Variants in RELN observed in about 807,000 individuals in gnomAD.
RELN encodes reelin.
Under a neutral mutation model 427.6 loss-of-function variants are expected in RELN, and 108 were observed. The ratio of observed to expected loss-of-function variants is 0.25; its 90% CI spans 0.22 to 0.30. The LOEUF (loss-of-function observed/expected upper bound fraction) is 0.30, where lower values mean the gene tolerates loss of function less well. RELN is among the 10% of genes least tolerant of loss of function. The pLI, the probability that RELN is intolerant of heterozygous loss-of-function variation, is 1.00. For synonymous variants in RELN, 1,524 were observed against 1,513.4 expected, an observed-to-expected ratio of 1.01 and a Z score of -0.16; for missense variants, 3,715 against 4,302.8, an observed-to-expected ratio of 0.86 and a Z score of 3.82.
rs141343038 is a variant in RELN at position 103,651,989 on chromosome 7, G to A, written c.1764-200C>T. On this transcript the variant is annotated intron_variant, in intron 14 of 64. Coordinates refer to ENST00000428762, the MANE Select transcript of RELN (RefSeq NM_005045.4). ...TCAAAGGGCAATCAGTTAAATTACTGCTATAAACAAACTATGTTTCAAAGA... is the reference window on the plus strand; with the variant it reads ...TCAAAGGGCAATCAGTTAAATTACTACTATAAACAAACTATGTTTCAAAGA... Among the ~76,000 whole-genome samples the A allele has an allele frequency of 3.3e-5, 5 of 152,146 alleles. No individual in the cohort carries two copies. The East Asian group carries it at 9.7e-4, about 29-fold the overall frequency.
chr7:103,688,641 A>G (rs1032304680), intron 10 of RELN, among the ~76,000 whole-genome samples: 8 of 151,988 alleles, frequency 5.3e-5, no homozygotes, highest in African/African-American at 1.9e-4. Flanking sequence ...ATAATTTGAT[A>G]TATTTTTTCT....
intron 20 of RELN, among the ~76,000 whole-genome samples, chr7:103,622,418 C>T (rs1468294593): frequency 6.6e-6 from 1 of 152,200 alleles, no homozygotes; most frequent in Non-Finnish European, 1.5e-5. Context: ...GCTCCTTCTA[C>T]TGCTCCTTCT....
rs577777572 is a variant in RELN at position 103,756,884 on chromosome 7, C to T, written c.545-3670G>A. Among the ~76,000 whole-genome samples, 101 of 152,240 alleles carry T rather than the reference C, an allele frequency of 6.6e-4. 1 individual carries two copies. The highest frequency in any genetic ancestry group is 2.1e-3 in the African/African-American group (89 of 41,542). ...TACAAATTTTCCTGAAAAAGATTCA[C>T]GCATATGTGGCATAAAAATGGGCCA... On this transcript the variant is annotated intron_variant, in intron 4 of 64. Coordinates refer to ENST00000428762, the MANE Select transcript of RELN (RefSeq NM_005045.4).
intron 1 of RELN, among the ~76,000 whole-genome samples, chr7:103,946,782 G>A (rs1796228157): frequency 6.6e-6 from 1 of 152,130 alleles, no homozygotes; most frequent in African/African-American, 2.4e-5. Context: ...TGAAATTCTT[G>A]ACACATTTGT....
chr7:103,514,130 G>T (rs1038252073), intron 50 of RELN: 3 of 152,096 alleles, frequency 2.0e-5, no homozygotes, highest in Non-Finnish European at 4.4e-5. Context: ...TGAGCTGGGT[G>T]TGACAGAGTT....
chr7:103,554,291 A>C (rs1187503057), intron 38 of RELN, among the ~76,000 whole-genome samples: 2 of 152,094 alleles, frequency 1.3e-5, no homozygotes, highest in Non-Finnish European at 2.9e-5. Flanking sequence ...CAGTGATTAA[A>C]ACTGGCCAGG....
chr7:103,809,307 G>A (rs910725880), intron 3 of RELN, among the ~76,000 whole-genome samples: 1 of 152,056 alleles, frequency 6.6e-6, no homozygotes, highest in Non-Finnish European at 1.5e-5. Context: ...TCCAAATAAC[G>A]ACAGTGGTAA....
chr7:103,785,318 C>A (rs978833511), intron 3 of RELN, among the ~76,000 whole-genome samples: 3 of 152,006 alleles, frequency 2.0e-5, no homozygotes, highest in Admixed American at 6.6e-5. Flanking sequence ...TTAGGCAAGG[C>A]AAGAACAAAA....
intron 3 of RELN, 145 bp from the exon 4 acceptor site, chr7:103,776,772 A>G (rs1412599699): frequency 2.4e-6 from 2 of 848,082 alleles, no homozygotes; most frequent in African/African-American, 1.7e-5. Flanking sequence ...AGTGATATAA[A>G]TAACATGGAA....
chr7:103,593,663 G>A lies in RELN; in HGVS notation c.3912+19C>T. On this transcript the variant is annotated intron_variant, in intron 27 of 64. Transcript: ENST00000428762. The stretch of plus-strand genomic sequence containing the variant: ...TTTACTCCTTAACTTGCTCTGGGAA[G>A]AAGCTTGTGCATAAATACCTTGAAC... 1 of 1,602,686 alleles carries A rather than the reference G, an allele frequency of 6.2e-7. No homozygotes were observed. The highest frequency in any genetic ancestry group is 8.5e-7 in the Non-Finnish European group (1 of 1,169,740).
At chr7:103,549,953 C>G (rs1312862626) in intron 41 of RELN, among the ~76,000 whole-genome samples, 2 of 152,216 alleles carry the variant, frequency 1.3e-5, no homozygotes, top group Non-Finnish European at 2.9e-5. Context: ...TCAGCTCCAT[C>G]TATTCCTATG....
intron 53 of RELN, among the ~76,000 whole-genome samples, chr7:103,498,612 C>T (rs1261384787): frequency 6.6e-6 from 1 of 152,022 alleles, no homozygotes; most frequent in Non-Finnish European, 1.5e-5. Flanking sequence ...ATGCCTCTGC[C>T]TCCTGAGTAG....
intron 1 of RELN, among the ~76,000 whole-genome samples, chr7:103,936,079 T>C (rs1795976047): frequency 6.7e-6 from 1 of 149,258 alleles, no homozygotes; most frequent in Non-Finnish European, 1.5e-5. Flanking sequence ...CTATTCATCT[T>C]GCATGAATTG....
intron 4 of RELN, among the ~76,000 whole-genome samples, chr7:103,771,397 G>T (rs984446929): frequency 4.0e-5 from 6 of 151,872 alleles, no homozygotes; most frequent in African/African-American, 1.5e-4. Context: ...CCAGTCACTG[G>T]TCTTTCTCAC....
At chr7:103,917,254 T>C in intron 1 of RELN, 69 bp from the exon 2 acceptor site, 1 of 1,207,774 alleles carries the variant, frequency 8.3e-7, no homozygotes, top group East Asian at 2.3e-5. Flanking sequence ...TCTGAAGTGT[T>C]AGACATTGTC....
rs2116860998 is a variant in RELN, at chr7:103,989,379, C to CCGCCG, written c.-24_-23insCGGCG. On this transcript the variant is annotated 5_prime_UTR_variant, in exon 1 of 65. Transcript: ENST00000428762. This position sits in a 1 kb window ranked among gnomAD's most constrained non-coding sequence, Gnocchi z 4.9. ...CATGCCGCCGCCGCCGCCGCCGCCG[C>CCGCCG]CGCGCGCCCTACGCGCCGCTCGCTC... The CCGCCG allele has an allele frequency of 1.4e-6, 2 of 1,438,992 alleles. No homozygotes were observed. The highest frequency in any genetic ancestry group is 1.6e-5 in the South Asian group (1 of 63,066). The allele number at this position is 1,438,992 out of a possible 1,614,324, so 89.1% of individuals were successfully genotyped here.
intron 3 of RELN, among the ~76,000 whole-genome samples, chr7:103,800,668 G>A (rs1434289770): frequency 1.3e-5 from 2 of 152,286 alleles, no homozygotes; most frequent in African/African-American, 4.8e-5. Context: ...ACATAGGCAT[G>A]GGCAAGGACT....
At chr7:103,606,620 C>T (rs1186427477) in intron 22 of RELN, among the ~76,000 whole-genome samples, 1 of 152,084 alleles carries the variant, frequency 6.6e-6, no homozygotes, top group African/African-American at 2.4e-5. Context: ...ACCCATGGCA[C>T]CCATTAATTT....
At chr7:103,594,084 A>T (rs1227383530) in intron 26 of RELN, among the ~76,000 whole-genome samples, 1 of 152,180 alleles carries the variant, frequency 6.6e-6, no homozygotes, top group Non-Finnish European at 1.5e-5. Context: ...TGTGTATCTA[A>T]TCATTTTATA....
Sources: allele counts gnomAD v4.1 joint callset (sites outside exome capture counted in the v4.1 genomes callset), GRCh38; gene constraint gnomAD v4.1.1; non-coding constraint Gnocchi (gnomAD v3.1); transcripts MANE v1.5; gene names NCBI Gene and HGNC (gene_info 2026-07-23, HGNC 2026-07-21).